The following MYO3B variants were observed in gnomAD, a reference collection of about 807,000 sequenced individuals.
MYO3B encodes myosin IIIB, also known as myosin-IIIb.
MYO3B carries 156 observed loss-of-function variants against 174.6 expected under a neutral mutation model. The observed-to-expected ratio is 0.89, with a 90% CI of 0.78 to 1.02. The LOEUF (loss-of-function observed/expected upper bound fraction) is 1.02. Among genes scored for constraint, MYO3B ranks in the 50% least tolerant of loss-of-function variants. The probability of loss-of-function intolerance (pLI) is 0.00; values close to 1 mark genes in which losing one functional copy is unlikely to be tolerated. For missense variants in MYO3B, 1,632 were observed against 1,639.4 expected, an observed-to-expected ratio of 1.00 and a Z score of 0.08; for synonymous variants, 563 against 569.1, an observed-to-expected ratio of 0.99 and a Z score of 0.15.
chr2:170,409,008 G>C (rs1172051943), intron 22 of MYO3B, among the ~76,000 whole-genome samples: 1 of 152,112 alleles, frequency 6.6e-6, no homozygotes, highest in Non-Finnish European at 1.5e-5. Context: ...GAGACCCAGG[G>C]ATGTAGACTC....
At chr2:170,368,333 A>G (rs1386573975) in intron 8 of MYO3B, among the ~76,000 whole-genome samples, 1 of 152,214 alleles carries the variant, frequency 6.6e-6, no homozygotes, top group South Asian at 2.1e-4. Context: ...AAAAGGGTAG[A>G]TGTTAAAATT....
chr2:170,240,082 A>G lies in MYO3B; in HGVS notation c.749+3946A>G, dbSNP rs150799156. The stretch of plus-strand genomic sequence containing the variant: ...TTCTTTTCTGGTCTCATATAAGGAC[A>G]TAGACTTAGGGCTTATCCTAATTCA... On this transcript the variant is annotated intron_variant, in intron 7 of 34. Coordinates refer to ENST00000408978, the MANE Select transcript of MYO3B (RefSeq NM_138995.5). Among the ~76,000 whole-genome samples the G allele has an allele frequency of 5.1e-3, 784 of 152,300 alleles. 5 individuals carry two copies. The highest frequency in any genetic ancestry group is 0.017 in the African/African-American group (723 of 41,564).
intron 32 of MYO3B, among the ~76,000 whole-genome samples, chr2:170,578,690 A>C (rs1191028004): frequency 1.3e-5 from 2 of 152,238 alleles, no homozygotes; most frequent in Non-Finnish European, 2.9e-5. Context: ...TCTCTAAACT[A>C]ACTGCTAAAA....
chr2:170,372,143 A>AAC (rs2094253303), intron 9 of MYO3B, among the ~76,000 whole-genome samples: 2 of 136,980 alleles, frequency 1.5e-5, no homozygotes, highest in Non-Finnish European at 3.1e-5. Flanking sequence ...AAAAAAAAAA[A>AAC]AACAACAACA....
chr2:170,652,151 T>C lies in MYO3B; in HGVS notation c.3884T>C (p.Leu1295Pro). Residue 1295 changes from leucine (L) to proline (P), a missense_variant, in exon 34 of 35, where the codon CTT (leucine) becomes CCT (proline). Leu to Pro is a moderately conservative substitution (Grantham distance 98). Coordinates refer to ENST00000408978, the MANE Select transcript of MYO3B (RefSeq NM_138995.5). ...GGGAGCAAGAGGAAGCCAAGAAAAC[T>C]TGGGTAAATATCTGTCTTCTTAGTT... ...YQGSKRKPRKLGQIKVLDGED... is the reference protein window; with the variant it reads ...YQGSKRKPRKPGQIKVLDGED... 2 of 1,614,008 alleles carry C rather than the reference T, an allele frequency of 1.2e-6. No individual in the cohort carries two copies. Among genetic ancestry groups the C allele is most frequent in the Non-Finnish European group, 1.7e-6 (2 of 1,179,924 alleles).
intron 22 of MYO3B, among the ~76,000 whole-genome samples, chr2:170,423,792 G>C (rs567289312): frequency 6.6e-6 from 1 of 152,046 alleles, no homozygotes; most frequent in African/African-American, 2.4e-5. Flanking sequence ...TGTTGGCGAG[G>C]ATGGTCTTGG....
At chr2:170,599,900 A>T (rs998432569) in intron 32 of MYO3B, among the ~76,000 whole-genome samples, 5 of 152,204 alleles carry the variant, frequency 3.3e-5, no homozygotes, top group Admixed American at 2.0e-4. Context: ...TTTAATATTT[A>T]GATTTAATAC....
chr2:170,501,777 AT>A lies in MYO3B; in HGVS notation c.3290-3del. On this transcript the variant is annotated splice_region_variant and splice_polypyrimidine_tract_variant and intron_variant, in intron 27 of 34. Coordinates refer to ENST00000408978, the MANE Select transcript of MYO3B (RefSeq NM_138995.5). ...TGTCATTCCTAGCACATGGTTTTAT[AT>A]TTTTAGCCTGGAGAGGATATGATGC... The A allele has an allele frequency of 6.3e-7, 1 of 1,596,186 alleles. No individual in the cohort carries two copies. The highest frequency in any genetic ancestry group is 8.6e-7 in the Non-Finnish European group (1 of 1,164,420).
chr2:170,404,917 A>G (rs1277556628), intron 20 of MYO3B, among the ~76,000 whole-genome samples: 1 of 152,214 alleles, frequency 6.6e-6, no homozygotes, highest in Non-Finnish European at 1.5e-5. Context: ...TCGTCCTGAC[A>G]TCAAAGGCCC....
At chr2:170,441,965 C>A (rs1187264316) in intron 22 of MYO3B, among the ~76,000 whole-genome samples, 3 of 152,156 alleles carry the variant, frequency 2.0e-5, no homozygotes, top group Non-Finnish European at 4.4e-5. Flanking sequence ...GAATGCAGCC[C>A]AGTAGGTCTC....
At chr2:170,628,835 T>C (rs1309685440) in intron 32 of MYO3B, among the ~76,000 whole-genome samples, 1 of 152,160 alleles carries the variant, frequency 6.6e-6, no homozygotes, top group East Asian at 1.9e-4. Context: ...CAAGTTTGGA[T>C]ATTTTTACCA....
chr2:170,509,341 G>A (rs1023563083), intron 28 of MYO3B, among the ~76,000 whole-genome samples: 1 of 152,034 alleles, frequency 6.6e-6, no homozygotes, highest in Non-Finnish European at 1.5e-5. Context: ...TGGGTGACAC[G>A]GTGAGACCCT....
intron 28 of MYO3B, among the ~76,000 whole-genome samples, chr2:170,511,010 C>T (rs1343630016): frequency 1.3e-5 from 2 of 150,212 alleles, no homozygotes; most frequent in African/African-American, 2.5e-5. Flanking sequence ...GTTTCCAGTT[C>T]TTGGTGATTA....
At chr2:170,627,063 G>T (rs1395951290) in intron 32 of MYO3B, among the ~76,000 whole-genome samples, 1 of 151,842 alleles carries the variant, frequency 6.6e-6, no homozygotes, top group Non-Finnish European at 1.5e-5. Context: ...TATCTTTGTG[G>T]TGTTCTCTGT....
intron 30 of MYO3B, among the ~76,000 whole-genome samples, chr2:170,538,313 A>G (rs1689860028): frequency 1.3e-5 from 2 of 152,228 alleles, no homozygotes; most frequent in Non-Finnish European, 2.9e-5. Context: ...TTATAAAATC[A>G]CACTCGCATT....
chr2:170,295,916 C>A (rs1037854942), intron 7 of MYO3B, among the ~76,000 whole-genome samples: 18 of 152,168 alleles, frequency 1.2e-4, no homozygotes, highest in Admixed American at 4.6e-4. Context: ...CAAGTCTTCT[C>A]TACCTGAAGC....
intron 5 of MYO3B, 95 bp downstream of exon 5, chr2:170,214,923 C>A: frequency 1.1e-6 from 1 of 924,412 alleles, no homozygotes. Flanking sequence ...TTCTCTGCTA[C>A]ACCATAGGCT....
At chr2:170,497,119 A>G (rs1382734064) in intron 25 of MYO3B, among the ~76,000 whole-genome samples, 1 of 152,196 alleles carries the variant, frequency 6.6e-6, no homozygotes, top group Admixed American at 6.5e-5. Context: ...GAAGCAGGTC[A>G]TAAGACCCAC....
chr2:170,419,377 G>A (rs1205931793), intron 22 of MYO3B, among the ~76,000 whole-genome samples: 2 of 152,162 alleles, frequency 1.3e-5, no homozygotes, highest in Non-Finnish European at 2.9e-5. Flanking sequence ...CAGCAGGTTT[G>A]GTTTCTTGTG....
Sources: gnomAD v4.1 joint callset for allele counts (sites outside exome capture counted in the v4.1 genomes callset) on GRCh38, gnomAD v4.1.1 for gene constraint, MANE v1.5 for transcripts, NCBI Gene and HGNC (gene_info 2026-07-23, HGNC 2026-07-21) for gene names.